PHLPP1: variants seen among roughly 807,000 people sequenced by gnomAD.
PHLPP1 encodes PH domain leucine-rich repeat-containing protein phosphatase 1.
In PHLPP1, 42 loss-of-function variants were observed where a neutral mutation model predicts 117.2. That is an observed-to-expected ratio of 0.36 (90% CI 0.28 to 0.46). PHLPP1 has a LOEUF of 0.46. Among genes scored for constraint, PHLPP1 ranks in the 20% least tolerant of loss-of-function variants. The pLI, the probability that PHLPP1 is intolerant of heterozygous loss-of-function variation, is 1.00. For synonymous variants in PHLPP1, 1,042 were observed against 970.7 expected (o/e 1.07, Z -1.37); for missense variants, 2,084 against 2,241.9 (o/e 0.93, Z 1.42).
At chr18:62,842,328 G>T (rs916532696) in intron 3 of PHLPP1, among the ~76,000 whole-genome samples, 1 of 152,072 alleles carries the variant, frequency 6.6e-6, no homozygotes, top group Admixed American at 6.6e-5. Flanking sequence ...TGAGAAGTTG[G>T]GGTGGGGAAC....
At chr18:62,844,642 T>C (rs767956121) in intron 3 of PHLPP1, among the ~76,000 whole-genome samples, 27 of 152,196 alleles carry the variant, frequency 1.8e-4, no homozygotes, top group Non-Finnish European at 3.7e-4. Context: ...TGTATAACTC[T>C]AGAAGATGAG....
intron 4 of PHLPP1, among the ~76,000 whole-genome samples, chr18:62,870,091 T>A (rs1915862987): frequency 6.6e-6 from 1 of 151,762 alleles, no homozygotes; most frequent in Non-Finnish European, 1.5e-5. Flanking sequence ...CGGAGGGGGG[T>A]CTCACCATAT....
intron 12 of PHLPP1, among the ~76,000 whole-genome samples, chr18:62,954,176 T>G (rs940283913): frequency 1.3e-5 from 2 of 152,194 alleles, no homozygotes; most frequent in Non-Finnish European, 2.9e-5. Flanking sequence ...CAGCTATGAG[T>G]TATCTCACTT....
chr18:62,796,647 A>G (rs368393417), intron 1 of PHLPP1, among the ~76,000 whole-genome samples: 20 of 152,220 alleles, frequency 1.3e-4, no homozygotes, highest in East Asian at 5.8e-4. Context: ...TTAGAATAGA[A>G]AAAGTTCAGT....
chr18:62,941,644 G>C (rs1910131857), intron 10 of PHLPP1, 74 bp from the exon 11 acceptor site: 10 of 1,033,566 alleles, frequency 9.7e-6, no homozygotes, highest in Non-Finnish European at 1.4e-5. Flanking sequence ...AATATGCCTG[G>C]TATCAAAGCT....
chr18:62,826,236 C>T (rs774497920), intron 1 of PHLPP1: 3 of 422,630 alleles, frequency 7.1e-6, no homozygotes, highest in South Asian at 5.2e-5. Flanking sequence ...ATTGAACTAG[C>T]TTACTTACGG....
At chr18:62,808,613 C>T (rs963546695) in intron 1 of PHLPP1, among the ~76,000 whole-genome samples, 8 of 149,592 alleles carry the variant, frequency 5.3e-5, no homozygotes, top group African/African-American at 2.0e-4. Flanking sequence ...GGTGCAATGG[C>T]ACCATGTTGG....
chr18:62,830,195 C>T lies in PHLPP1; in HGVS notation c.1737C>T (p.Thr579=), dbSNP rs761828963. 20 of 1,571,546 alleles carry T rather than the reference C, an allele frequency of 1.3e-5. No individual in the cohort carries two copies. Among genetic ancestry groups the T allele is most frequent in the African/African-American group, 4.1e-5 (3 of 73,848 alleles). Reference sequence around the variant, plus strand: ...TATCATCTGTGAAAGACAGCTTGACCGGAAAGATGCATGTTCTGCCACTAA... The same window carrying T: ...TATCATCTGTGAAAGACAGCTTGACTGGAAAGATGCATGTTCTGCCACTAA... ...LIVSSVKDSL[T]GKMHVLPLIG... The change falls in exon 2 of 17, where the codon ACC becomes ACT. Residue 579 remains threonine, a synonymous_variant. Coordinates refer to ENST00000262719, the MANE Select transcript of PHLPP1 (RefSeq NM_194449.4).
intron 1 of PHLPP1, among the ~76,000 whole-genome samples, chr18:62,721,544 T>C (rs948820767): frequency 3.3e-5 from 5 of 151,446 alleles, no homozygotes; most frequent in African/African-American, 9.8e-5. Context: ...CTTAAACTTA[T>C]TATTAAAAAA....
intron 1 of PHLPP1, among the ~76,000 whole-genome samples, chr18:62,791,544 A>G (rs751403761): frequency 1.3e-5 from 2 of 152,206 alleles, no homozygotes; most frequent in Non-Finnish European, 2.9e-5. Flanking sequence ...CTACAAAGGG[A>G]GATCCAATTT....
rs71160870 is a variant in PHLPP1 at position 62,792,868 on chromosome 18, CAAAAA to C, written c.1577-37147_1577-37143del. Among the ~76,000 whole-genome samples the C allele has an allele frequency of 1.2e-4, 7 of 56,838 alleles. No individual in the cohort carries two copies. The East Asian group carries it at 3.4e-3, about 28-fold the overall frequency. The allele number at this position is 56,838 out of a possible 152,430, so 37.3% of individuals were successfully genotyped here. On this transcript the variant is annotated intron_variant, in intron 1 of 16. Transcript: ENST00000262719. ...TTGGTGAGAGAGCGAGCCTCTGTCT[CAAAAA>C]AAAAAAAAAAAAAAAAAAAGGTCAC...
chr18:62,840,793 C>A (rs1333457241), intron 3 of PHLPP1, among the ~76,000 whole-genome samples: 2 of 152,222 alleles, frequency 1.3e-5, no homozygotes, highest in African/African-American at 4.8e-5. Context: ...AGTTTCCCAA[C>A]CCCCTCACTC....
chr18:62,829,996 A>AT lies in PHLPP1; in HGVS notation c.1577-35dup, dbSNP rs145321935. The AT allele has an allele frequency of 6.2e-4, 938 of 1,523,122 alleles. 5 individuals are homozygous for AT. In the African/African-American group the frequency reaches 0.012, roughly 19 times the overall value. 94.4% of individuals were successfully genotyped at this position (1,523,122 alleles called of 1,614,324 possible). ...ATGTAGATGAGTAGGAAAAGGGTCC[A>AT]TTTTAAAAGAATAACATGTTTGCTT... On this transcript the variant is annotated intron_variant, in intron 1 of 16. Transcript: ENST00000262719.
intron 1 of PHLPP1, among the ~76,000 whole-genome samples, chr18:62,723,244 A>G (rs935678354): frequency 3.9e-5 from 6 of 152,250 alleles, no homozygotes; most frequent in Admixed American, 3.3e-4. Context: ...GGAGATATCA[A>G]TACTTTAGAA....
At chr18:62,892,140 A>ATGC (rs1318909433) in intron 4 of PHLPP1, among the ~76,000 whole-genome samples, 3 of 137,226 alleles carry the variant, frequency 2.2e-5, no homozygotes, top group Non-Finnish European at 4.5e-5. Flanking sequence ...CCAGGCTGGA[A>ATGC]TGCAATGGCA....
intron 6 of PHLPP1, among the ~76,000 whole-genome samples, chr18:62,897,285 G>A (rs994616584): frequency 4.6e-5 from 7 of 152,116 alleles, no homozygotes; most frequent in African/African-American, 1.7e-4. Flanking sequence ...ATAAATCTTA[G>A]TAAGAGCTTT....
At chr18:62,853,733 C>T (rs1442673049) in intron 3 of PHLPP1, among the ~76,000 whole-genome samples, 3 of 152,218 alleles carry the variant, frequency 2.0e-5, no homozygotes, top group Non-Finnish European at 4.4e-5. Flanking sequence ...CTGATCACAA[C>T]TTGAATCTCT....
intron 1 of PHLPP1, among the ~76,000 whole-genome samples, chr18:62,766,077 ATATATATATATATATATATATAT>A (rs1359831666): frequency 0.019 from 407 of 20,986 alleles, 48 homozygotes; most frequent in Admixed American, 0.04. Context: ...AAAAAAAAAA[ATATATATATATATATATATATAT>A]ATAAAATATA....
At chr18:62,742,330 T>C (rs1911552965) in intron 1 of PHLPP1, among the ~76,000 whole-genome samples, 1 of 152,204 alleles carries the variant, frequency 6.6e-6, no homozygotes, top group Admixed American at 6.5e-5. Context: ...TAGTTCCTTA[T>C]ACAGCTATAT....
Sources: gnomAD v4.1 joint callset for allele counts (sites outside exome capture counted in the v4.1 genomes callset) on GRCh38, gnomAD v4.1.1 for gene constraint, MANE v1.5 for transcripts, NCBI Gene and HGNC (gene_info 2026-07-23, HGNC 2026-07-21) for gene names.